ODAD2: variants seen among roughly 807,000 people sequenced by gnomAD.
The protein encoded by ODAD2 is outer dynein arm docking complex subunit 2.
ODAD2 carries 89 observed loss-of-function variants against 106.8 expected under a neutral mutation model. That is an observed-to-expected ratio of 0.83 (90% CI 0.70 to 0.99). The LOEUF (loss-of-function observed/expected upper bound fraction) is 0.99, where lower values mean the gene tolerates loss of function less well. ODAD2 is among the 50% of genes least tolerant of loss of function. The probability of loss-of-function intolerance (pLI) is 0.00; values close to 1 mark genes in which losing one functional copy is unlikely to be tolerated. For synonymous variants in ODAD2, 404 were observed against 436.2 expected, an observed-to-expected ratio of 0.93 and a Z score of 0.92; for missense variants, 1,168 against 1,238.5, an observed-to-expected ratio of 0.94 and a Z score of 0.85.
At chr10:27,831,474 C>T (rs1017124713) in intron 19 of ODAD2, among the ~76,000 whole-genome samples, 1 of 152,200 alleles carries the variant, frequency 6.6e-6, no homozygotes, top group Non-Finnish European at 1.5e-5. Context: ...TTATAAGATA[C>T]TGATTCATTT....
rs1277386934 is a variant in ODAD2, at chr10:27,882,233, GAAAT to G, written c.2611-19615_2611-19612del. Among the ~76,000 whole-genome samples the G allele has an allele frequency of 5.3e-3, 766 of 145,358 alleles. 1 individual carries two copies. Among genetic ancestry groups the G allele is most frequent in the Non-Finnish European group, 8.5e-3 (541 of 63,982 alleles). On this transcript the variant is annotated intron_variant, in intron 17 of 19. Coordinates refer to ENST00000305242, the MANE Select transcript of ODAD2 (RefSeq NM_018076.5). ...AGAAAGAAAGAAAGAAAGAAAGAAA[GAAAT>G]ATGAACTCTCTGATCTCATTCTCAA...
intron 16 of ODAD2, among the ~76,000 whole-genome samples, chr10:27,912,281 C>T (rs184463643): frequency 1.3e-5 from 2 of 152,184 alleles, no homozygotes; most frequent in Non-Finnish European, 2.9e-5. Flanking sequence ...AATTTCTTGA[C>T]ATTATAAAAA....
chr10:27,990,472 G>A (rs771083423), intron 2 of ODAD2, among the ~76,000 whole-genome samples: 5 of 152,080 alleles, frequency 3.3e-5, no homozygotes, highest in African/African-American at 4.8e-5. Flanking sequence ...CACTGCACCC[G>A]GCCCCATTTA....
chr10:27,903,563 C>T (rs541524048), intron 17 of ODAD2, among the ~76,000 whole-genome samples: 62 of 152,172 alleles, frequency 4.1e-4, no homozygotes, highest in African/African-American at 1.3e-3. Context: ...TCGTCTCAGC[C>T]GAAAATCTCC....
At position 27,984,310 on chromosome 10, in the gene ODAD2, T is replaced by G. The variant is rs1849739357; in HGVS notation, c.576-20A>C. The G allele has an allele frequency of 6.6e-7, 1 of 1,514,408 alleles. No homozygotes were observed. The highest frequency in any genetic ancestry group is 1.4e-5 in the African/African-American group (1 of 72,902). The allele number at this position is 1,514,408 out of a possible 1,614,324, so 93.8% of individuals were successfully genotyped here. A position where few individuals can be genotyped will look rare whatever the true frequency, so the allele number is the denominator to read the frequency against. On this transcript the variant is annotated intron_variant, in intron 4 of 19. Coordinates refer to ENST00000305242, the MANE Select transcript of ODAD2 (RefSeq NM_018076.5). ...ATTTCTCTGAAATAAATGTTTAAAATGTCAGCTTAAATACTTTAAACAGAA... is the reference window on the plus strand; with the variant it reads ...ATTTCTCTGAAATAAATGTTTAAAAGGTCAGCTTAAATACTTTAAACAGAA...
At chr10:27,932,063 T>C (rs1845651797) in intron 16 of ODAD2, among the ~76,000 whole-genome samples, 1 of 152,082 alleles carries the variant, frequency 6.6e-6, no homozygotes, top group African/African-American at 2.4e-5. Flanking sequence ...GCTTCCTGAG[T>C]AGCTAGGACT....
chr10:27,971,273 T>A lies in ODAD2; in HGVS notation c.977A>T (p.Gln326Leu), dbSNP rs773224852. 18 of 1,613,026 alleles carry A rather than the reference T, an allele frequency of 1.1e-5. No homozygotes were observed. In the South Asian group the frequency reaches 2.0e-4, roughly 18 times the overall value. Residue 326 changes from glutamine (Q) to leucine (L), a missense_variant, in exon 8 of 20, where the codon CAG becomes CTG. This residue lies in a region of ODAD2 where 430 missense variants were observed against 452.2 expected (regional missense o/e 0.95). Coordinates refer to ENST00000305242, the MANE Select transcript of ODAD2 (RefSeq NM_018076.5). ...TTCCTTCTTGGGGGCTTTGCCAAGC[T>A]GATCCTTTTCCTTTTGCTGGTCTTC... ...FSEDQQKEKDQLGKAPKKEEA... is the reference protein window; with the variant it reads ...FSEDQQKEKDLLGKAPKKEEA...
intron 17 of ODAD2, among the ~76,000 whole-genome samples, chr10:27,878,397 T>C (rs7100957): frequency 0.043 from 6,574 of 152,262 alleles, 460 homozygotes; most frequent in African/African-American, 0.15. Flanking sequence ...TGTTTTGGCG[T>C]AAAGCAATTA....
At chr10:27,943,360 G>A (rs1006907518) in intron 12 of ODAD2, among the ~76,000 whole-genome samples, 1 of 151,744 alleles carries the variant, frequency 6.6e-6, no homozygotes, top group Non-Finnish European at 1.5e-5. Flanking sequence ...AGCAATTTGT[G>A]TGTTTATTTC....
At chr10:27,949,864 T>C (rs148170208) in intron 10 of ODAD2, among the ~76,000 whole-genome samples, 218 of 152,178 alleles carry the variant, frequency 1.4e-3, no homozygotes, top group African/African-American at 4.9e-3. Context: ...AAGAAACGTT[T>C]GAAAGGTTTT....
chr10:27,910,598 C>CA (rs925460713), intron 16 of ODAD2, among the ~76,000 whole-genome samples: 23 of 150,584 alleles, frequency 1.5e-4, no homozygotes, highest in Middle Eastern at 3.4e-3. Context: ...ACAAAAAATA[C>CA]AAAAAAAAAT....
chr10:27,860,737 C>T lies in ODAD2; in HGVS notation c.2909G>A (p.Arg970His), dbSNP rs772636599. ...GTTGGTGTCATTTGATTTCAGATAA[C>T]GCACTAGTGGAGCCACTGCTTTGTG... ...GEHKAVAPLV[R>H]YLKSNDTNVH... Residue 970 changes from arginine to histidine, a missense_variant, in exon 19 of 20, where the codon CGT becomes CAT. Arg to His is a conservative substitution (Grantham distance 29). Around this residue, in one of 3 missense-constraint regions of ODAD2, gnomAD observed 701 missense variants for 712.3 expected, o/e 0.98. Coordinates refer to ENST00000305242, the MANE Select transcript of ODAD2 (RefSeq NM_018076.5). 1.3e-5 allele frequency: 21 copies of T among 1,614,026 alleles called. No homozygotes were observed. The highest frequency in any genetic ancestry group is 9.3e-5 in the African/African-American group (7 of 74,936).
intron 15 of ODAD2, 66 bp from the exon 16 acceptor site, chr10:27,935,318 T>A: frequency 6.3e-7 from 1 of 1,575,264 alleles, no homozygotes; most frequent in South Asian, 1.1e-5. Flanking sequence ...TTACTAAATG[T>A]TCATTCAATC....
At chr10:27,902,745 C>T (rs1843302485) in intron 17 of ODAD2, among the ~76,000 whole-genome samples, 1 of 151,978 alleles carries the variant, frequency 6.6e-6, no homozygotes, top group African/African-American at 2.4e-5. Context: ...AAGTCTAAAC[C>T]AGGAAGAAAT....
chr10:27,959,648 A>G (rs1046563996), intron 10 of ODAD2, among the ~76,000 whole-genome samples: 1 of 152,166 alleles, frequency 6.6e-6, no homozygotes, highest in Non-Finnish European at 1.5e-5. Context: ...CCGACAGGTT[A>G]ATCTTCAAGA....
chr10:27,836,898 C>A (rs528219631), intron 19 of ODAD2, among the ~76,000 whole-genome samples: 1 of 152,078 alleles, frequency 6.6e-6, no homozygotes, highest in South Asian at 2.1e-4. Flanking sequence ...AACATCAAAC[C>A]TAAAGAGTAT....
intron 17 of ODAD2, among the ~76,000 whole-genome samples, chr10:27,883,519 A>G (rs1481201859): frequency 2.0e-5 from 3 of 152,292 alleles, no homozygotes; most frequent in African/African-American, 7.2e-5. Flanking sequence ...AGTATGCCTC[A>G]AAGTATGCAC....
In ODAD2 at chr10:27,983,931, C is replaced by A. The variant is rs770059788; in HGVS notation, c.731G>T (p.Arg244Leu). 12 of 1,606,780 alleles carry A rather than the reference C, an allele frequency of 7.5e-6. No individual in the cohort carries two copies. Among genetic ancestry groups the A allele is most frequent in the Middle Eastern group, 1.7e-4 (1 of 6,042 alleles). The stretch of plus-strand genomic sequence containing the variant: ...CACCAGCACATAACAAATTTCCCCA[C>A]GAATTTGTCTCCACGGTGGGGCTCG... ...GCRAPPWRQI[R>L]GEICYVLVKP... The change falls in exon 6 of 20, where the codon CGT becomes CTT. Residue 244 changes from arginine to leucine, a missense_variant. By Grantham distance (102) the Arg-to-Leu change is moderately radical. This residue lies in a region of ODAD2 where 430 missense variants were observed against 452.2 expected (regional missense o/e 0.95). Coordinates refer to ENST00000305242, the MANE Select transcript of ODAD2 (RefSeq NM_018076.5).
At chr10:27,882,927 A>G (rs1236155085) in intron 17 of ODAD2, among the ~76,000 whole-genome samples, 1 of 151,818 alleles carries the variant, frequency 6.6e-6, no homozygotes, top group Non-Finnish European at 1.5e-5. Context: ...CAATTATTTA[A>G]CAAAAAAAAA....
Sources: gnomAD v4.1 joint callset for allele counts (sites outside exome capture counted in the v4.1 genomes callset) on GRCh38, gnomAD v4.1.1 for gene constraint, gnomAD v4.1.1 regional missense constraint, MANE v1.5 for transcripts, NCBI Gene and HGNC (gene_info 2026-07-23, HGNC 2026-07-21) for gene names.